DLG2: variants seen among roughly 807,000 people sequenced by gnomAD.
The protein encoded by DLG2 is disks large homolog 2.
A neutral mutation model predicts 132.5 loss-of-function variants in DLG2; 45 were observed. That is an observed-to-expected ratio of 0.34 (90% CI 0.27 to 0.44). DLG2 has a LOEUF of 0.44. DLG2 is among the 20% of genes least tolerant of loss of function. The pLI is 1.00. For synonymous variants in DLG2, 424 were observed against 419.6 expected, an observed-to-expected ratio of 1.01 and a Z score of -0.13; for missense variants, 1,045 against 1,196.9, an observed-to-expected ratio of 0.87 and a Z score of 1.87.
intron 6 of DLG2, among the ~76,000 whole-genome samples, chr11:84,784,628 T>A (rs1490334605): frequency 6.6e-6 from 1 of 152,046 alleles, no homozygotes; most frequent in Admixed American, 6.6e-5. Context: ...GATCTACATA[T>A]AAAGACTCTT....
At chr11:83,485,356 C>T (rs1177673589) in intron 21 of DLG2, among the ~76,000 whole-genome samples, 1 of 152,086 alleles carries the variant, frequency 6.6e-6, no homozygotes, top group Non-Finnish European at 1.5e-5. Context: ...AATGTGTTGA[C>T]AGTCATTTTA....
chr11:84,098,856 G>A (rs1045241301), intron 10 of DLG2, 67 bp downstream of exon 10: 6 of 1,538,606 alleles, frequency 3.9e-6, no homozygotes, highest in Non-Finnish European at 5.3e-6. Context: ...TTCTTCAAAG[G>A]TACAAATGTG....
chr11:83,863,996 A>C (rs1288035574), intron 16 of DLG2, among the ~76,000 whole-genome samples: 5 of 152,190 alleles, frequency 3.3e-5, no homozygotes, highest in African/African-American at 9.6e-5. Flanking sequence ...CCACAGGAGA[A>C]TTCTCCTTTG....
At chr11:83,733,240 CAAAAAAAAAA>C (rs71066061) in intron 18 of DLG2, among the ~76,000 whole-genome samples, 5 of 46,252 alleles carry the variant, frequency 1.1e-4, no homozygotes, top group African/African-American at 1.5e-4. Context: ...GACCCCATCT[CAAAAAAAAAA>C]AAAAAAAAAA....
At chr11:83,622,983 G>A (rs1362842920) in intron 19 of DLG2, among the ~76,000 whole-genome samples, 3 of 152,134 alleles carry the variant, frequency 2.0e-5, no homozygotes, top group Non-Finnish European at 4.4e-5. Flanking sequence ...TTCTTTGTTA[G>A]TTTTTCTGTG....
chr11:83,778,104 C>T (rs1013506354), intron 18 of DLG2, among the ~76,000 whole-genome samples: 8 of 151,724 alleles, frequency 5.3e-5, no homozygotes, highest in African/African-American at 1.9e-4. Context: ...ACTGGGCACC[C>T]AGAATATAGA....
At chr11:83,572,164 AG>A (rs2096807299) in intron 19 of DLG2, among the ~76,000 whole-genome samples, 2 of 152,092 alleles carry the variant, frequency 1.3e-5, no homozygotes, top group Non-Finnish European at 2.9e-5. Flanking sequence ...TTTAAAATAA[AG>A]AATCTTAGAA....
intron 7 of DLG2, among the ~76,000 whole-genome samples, chr11:84,284,321 T>C (rs956799390): frequency 6.6e-6 from 1 of 152,260 alleles, no homozygotes; most frequent in Admixed American, 6.5e-5. Flanking sequence ...GACTGTGCCA[T>C]GGCAAAATGG....
chr11:84,997,654 C>T (rs2057789990), intron 6 of DLG2: 1 of 152,206 alleles, frequency 6.6e-6, no homozygotes, highest in African/African-American at 2.4e-5. Flanking sequence ...CATATACTTT[C>T]CTTTCACTTC....
chr11:84,590,877 A>G (rs1448626652), intron 6 of DLG2, among the ~76,000 whole-genome samples: 1 of 152,188 alleles, frequency 6.6e-6, no homozygotes, highest in East Asian at 1.9e-4. Context: ...GATGGGGCAC[A>G]TCTATGAGAT....
intron 3 of DLG2, among the ~76,000 whole-genome samples, chr11:85,574,549 G>A (rs1022553994): frequency 1.3e-5 from 2 of 152,020 alleles, no homozygotes; most frequent in African/African-American, 4.8e-5. Context: ...ATCTCATATT[G>A]CTATGTGATC....
At chr11:83,818,528 C>T (rs1410663580) in intron 17 of DLG2, among the ~76,000 whole-genome samples, 2 of 152,138 alleles carry the variant, frequency 1.3e-5, no homozygotes, top group African/African-American at 4.8e-5. Context: ...TGACACATGG[C>T]TTAGTCATCA....
chr11:84,054,105 C>T (rs1277198521), intron 11 of DLG2, among the ~76,000 whole-genome samples: 1 of 152,030 alleles, frequency 6.6e-6, no homozygotes, highest in African/African-American at 2.4e-5. Flanking sequence ...CTGTAGCTTT[C>T]ACATTTTTGG....
At chr11:83,620,560 A>G (rs958951730) in intron 19 of DLG2, among the ~76,000 whole-genome samples, 9 of 152,320 alleles carry the variant, frequency 5.9e-5, no homozygotes, top group Admixed American at 2.0e-4. Flanking sequence ...AAAATCTAAA[A>G]GACGTCTTTC....
chr11:85,455,478 G>T (rs1282042600), intron 3 of DLG2, among the ~76,000 whole-genome samples: 1 of 152,126 alleles, frequency 6.6e-6, no homozygotes, highest in Non-Finnish European at 1.5e-5. Flanking sequence ...AGCAGGGATA[G>T]TTTGACTTCC....
At chr11:84,501,029 A>C (rs911424521) in intron 7 of DLG2, among the ~76,000 whole-genome samples, 2 of 152,150 alleles carry the variant, frequency 1.3e-5, no homozygotes, top group African/African-American at 4.8e-5. Context: ...TGACAAGTGC[A>C]CATACCCCAT....
At chr11:84,884,260 T>G (rs1396563264) in intron 6 of DLG2, among the ~76,000 whole-genome samples, 1 of 152,064 alleles carries the variant, frequency 6.6e-6, no homozygotes, top group Non-Finnish European at 1.5e-5. Flanking sequence ...GAGCATTTTC[T>G]GTTGAAGATA....
At chr11:85,505,756 C>T (rs574966790) in intron 3 of DLG2, among the ~76,000 whole-genome samples, 147 of 152,244 alleles carry the variant, frequency 9.7e-4, no homozygotes, top group African/African-American at 3.2e-3. Context: ...GGAGGATTCC[C>T]GCTTTTTCAA....
At position 83,777,314 on chromosome 11, in the gene DLG2, A is replaced by G. The variant is rs147269569; in HGVS notation, c.1825+9376T>C. Reference sequence around the variant, plus strand: ...TTTTTGTCTTTTAAAGACTTAGGTAATGAGTCTATCAGGAATTCTATGTGA... The same window carrying G: ...TTTTTGTCTTTTAAAGACTTAGGTAGTGAGTCTATCAGGAATTCTATGTGA... On this transcript the variant is annotated intron_variant, in intron 18 of 27. Transcript: ENST00000376104. 1.8e-3 allele frequency among the ~76,000 whole-genome samples: 272 copies of G among 152,318 alleles called. 2 individuals are homozygous for G. The highest frequency in any genetic ancestry group is 3.0e-3 in the Non-Finnish European group (201 of 68,022).
Sources: allele counts gnomAD v4.1 joint callset (sites outside exome capture counted in the v4.1 genomes callset), GRCh38; gene constraint gnomAD v4.1.1; transcripts MANE v1.5; gene names NCBI Gene and HGNC (gene_info 2026-07-23, HGNC 2026-07-21).